The following USH2A variants were observed in gnomAD, a reference collection of about 807,000 sequenced individuals.
The protein encoded by USH2A is Usher syndrome 2A (autosomal recessive, mild).
In USH2A, 443 loss-of-function variants were observed where a neutral mutation model predicts 538.9. That is an observed-to-expected ratio of 0.82 (90% CI 0.76 to 0.89). The LOEUF is 0.89. USH2A is among the 40% of genes least tolerant of loss of function. The probability of loss-of-function intolerance (pLI) is 0.00; values close to 1 mark genes in which losing one functional copy is unlikely to be tolerated. For synonymous variants in USH2A, 2,413 were observed against 2,273.5 expected (o/e 1.06, Z -1.75); for missense variants, 6,633 against 6,324.8 (o/e 1.05, Z -1.65).
At chr1:215,638,205 A>G (rs1656561000) in intron 69 of USH2A, among the ~76,000 whole-genome samples, 1 of 152,182 alleles carries the variant, frequency 6.6e-6, no homozygotes, top group Non-Finnish European at 1.5e-5. Flanking sequence ...TTCCTCTGTA[A>G]ATCACCTTTA....
Position 215,675,246 on chromosome 1 carries a change from G to C in USH2A, c.12665C>G (p.Thr4222Arg). ...CAAACCTGTGTCATTATACATAAAT[G>C]TATTCCTTTCAGTGTTATATTCTGT... ...VFTEYNTERN[T>R]FMYNDTGLQP... The change falls in exon 63 of 72, where the codon ACA becomes AGA. Residue 4222 changes from threonine to arginine, a missense_variant. Coordinates refer to ENST00000307340, the MANE Select transcript of USH2A (RefSeq NM_206933.4). 6.2e-7 allele frequency: 1 copy of C among 1,614,110 alleles called. No individual in the cohort carries two copies. Among genetic ancestry groups the C allele is most frequent in the South Asian group, 1.1e-5 (1 of 91,078 alleles).
At chr1:215,854,649 G>A (rs961107582) in intron 44 of USH2A, among the ~76,000 whole-genome samples, 6 of 152,264 alleles carry the variant, frequency 3.9e-5, no homozygotes, top group East Asian at 1.9e-4. Context: ...TCCAGTCCAC[G>A]GCAAAGTGCA....
chr1:216,012,973 T>C (rs1170119397), intron 32 of USH2A, among the ~76,000 whole-genome samples: 2 of 152,174 alleles, frequency 1.3e-5, no homozygotes, highest in East Asian at 3.9e-4. Flanking sequence ...TTGTTTACAC[T>C]GCCAGTTTAC....
intron 11 of USH2A, among the ~76,000 whole-genome samples, chr1:216,270,842 T>A (rs1027828587): frequency 2.0e-5 from 3 of 152,092 alleles, no homozygotes; most frequent in African/African-American, 7.2e-5. Context: ...CCCAAAGTGC[T>A]AGGATTACAG....
At chr1:216,053,326 C>T (rs72744700) in intron 30 of USH2A, among the ~76,000 whole-genome samples, 7,315 of 151,996 alleles carry the variant, frequency 0.048, 275 homozygotes, top group African/African-American at 0.11. Context: ...ATAGAAAATG[C>T]GGTAGTTGCC....
intron 15 of USH2A, among the ~76,000 whole-genome samples, chr1:216,216,363 T>C (rs779804739): frequency 6.6e-6 from 1 of 152,110 alleles, no homozygotes; most frequent in Non-Finnish European, 1.5e-5. Flanking sequence ...TCACTAGCTA[T>C]ATCCTGCTTT....
chr1:216,313,016 C>T (rs188098545), intron 9 of USH2A, among the ~76,000 whole-genome samples: 19 of 152,048 alleles, frequency 1.2e-4, no homozygotes, highest in African/African-American at 1.9e-4. Flanking sequence ...CACCAGGGAT[C>T]GGTTTTGTGG....
chr1:216,010,928 G>A (rs1428820526), intron 32 of USH2A, among the ~76,000 whole-genome samples: 1 of 151,854 alleles, frequency 6.6e-6, no homozygotes, highest in Non-Finnish European at 1.5e-5. Flanking sequence ...CTTGGCGACG[G>A]ATCATGCGCC....
intron 3 of USH2A, among the ~76,000 whole-genome samples, chr1:216,404,219 A>G (rs1161793211): frequency 6.6e-6 from 1 of 151,994 alleles, no homozygotes; most frequent in Non-Finnish European, 1.5e-5. Context: ...ATTTCAAATC[A>G]CTCCAAATCC....
rs994123740 is a variant in USH2A at position 215,642,265 on chromosome 1, A to G, written c.14792-1531T>C. Among the ~76,000 whole-genome samples, 3 of 152,190 alleles carry G rather than the reference A, an allele frequency of 2.0e-5. No homozygotes were observed. In the South Asian group the frequency reaches 6.2e-4, roughly 32 times the overall value. On this transcript the variant is annotated intron_variant, in intron 67 of 71. Coordinates refer to ENST00000307340, the MANE Select transcript of USH2A (RefSeq NM_206933.4). Reference sequence around the variant, plus strand: ...TTTATCTCATTTAATCCTCAAAATAATCCTGTAAAGATTGATTCCTAATTT... The same window carrying G: ...TTTATCTCATTTAATCCTCAAAATAGTCCTGTAAAGATTGATTCCTAATTT...
intron 9 of USH2A, among the ~76,000 whole-genome samples, chr1:216,304,880 G>C (rs2037285000): frequency 6.6e-6 from 1 of 151,720 alleles, no homozygotes; most frequent in African/African-American, 2.4e-5. Flanking sequence ...GTCTGAGAGA[G>C]TACTTGATAT....
rs76088306 is a variant in USH2A, at chr1:216,326,208, A to G, written c.849-609T>C. Among the ~76,000 whole-genome samples, 13 of 152,250 alleles carry G rather than the reference A, an allele frequency of 8.5e-5. No homozygotes were observed. The East Asian group carries it at 1.9e-3, about 23-fold the overall frequency. Reference sequence around the variant, plus strand: ...GTCAAAGAATGCCAATTCCAGGTAGATATATTTAATTTTTCCATTAGGGGC... The same window carrying G: ...GTCAAAGAATGCCAATTCCAGGTAGGTATATTTAATTTTTCCATTAGGGGC... On this transcript the variant is annotated intron_variant, in intron 5 of 71. Coordinates refer to ENST00000307340, the MANE Select transcript of USH2A (RefSeq NM_206933.4).
At chr1:215,707,832 C>A (rs1344368832) in intron 61 of USH2A, among the ~76,000 whole-genome samples, 2 of 152,084 alleles carry the variant, frequency 1.3e-5, no homozygotes, top group Non-Finnish European at 2.9e-5. Context: ...GGGAACCAAG[C>A]ACTGAAGGTG....
chr1:216,409,038 A>C (rs2039439193), intron 3 of USH2A, among the ~76,000 whole-genome samples: 1 of 152,206 alleles, frequency 6.6e-6, no homozygotes, highest in Non-Finnish European at 1.5e-5. Flanking sequence ...AGCAAAGCCA[A>C]GGGTAATGGA....
chr1:215,996,484 A>G (rs1247906987), intron 34 of USH2A, among the ~76,000 whole-genome samples: 1 of 136,388 alleles, frequency 7.3e-6, no homozygotes, highest in Non-Finnish European at 1.6e-5. Context: ...TTTTTAACAT[A>G]TTGTCTTCTT....
At chr1:215,690,792 A>G (rs553537885) in intron 61 of USH2A, among the ~76,000 whole-genome samples, 1 of 152,026 alleles carries the variant, frequency 6.6e-6, no homozygotes, top group Non-Finnish European at 1.5e-5. Context: ...TAACTTCAAG[A>G]TACATCCAGA....
At chr1:215,723,827 A>G (rs1448486278) in intron 61 of USH2A, among the ~76,000 whole-genome samples, 1 of 152,184 alleles carries the variant, frequency 6.6e-6, no homozygotes, top group African/African-American at 2.4e-5. Flanking sequence ...TTTAAAATGG[A>G]GTCTTCTACA....
In USH2A at chr1:215,702,772, C is replaced by T. The variant is rs564461614; in HGVS notation, c.12067-22396G>A. Among the ~76,000 whole-genome samples, 4 of 151,766 alleles carry T rather than the reference C, an allele frequency of 2.6e-5. No homozygotes were observed. The South Asian group carries it at 6.3e-4, about 24-fold the overall frequency. On this transcript the variant is annotated intron_variant, in intron 61 of 71. Transcript: ENST00000307340. ...TGGGTTAGAACATGCTCCTTTTGCTCGGAGGAGTTTGTTATTACCTTGCTT... is the reference window on the plus strand; with the variant it reads ...TGGGTTAGAACATGCTCCTTTTGCTTGGAGGAGTTTGTTATTACCTTGCTT...
chr1:216,354,248 T>C (rs923100916), intron 4 of USH2A, among the ~76,000 whole-genome samples: 2 of 152,176 alleles, frequency 1.3e-5, no homozygotes, highest in African/African-American at 4.8e-5. Context: ...GCAGTGCTCT[T>C]CTTTGTAAAG....
Sources: allele counts gnomAD v4.1 joint callset (sites outside exome capture counted in the v4.1 genomes callset), GRCh38; gene constraint gnomAD v4.1.1; transcripts MANE v1.5; gene names NCBI Gene and HGNC (gene_info 2026-07-23, HGNC 2026-07-21).